LAMA2: variants seen among roughly 807,000 people sequenced by gnomAD.
LAMA2 encodes laminin subunit alpha-2.
Under a neutral mutation model 364.8 loss-of-function variants are expected in LAMA2, and 269 were observed. The ratio of observed to expected loss-of-function variants is 0.74; its 90% CI spans 0.67 to 0.82. LAMA2 has a LOEUF of 0.82. Among genes scored for constraint, LAMA2 ranks in the 40% least tolerant of loss-of-function variants. LAMA2 has a pLI of 0.00. For missense variants in LAMA2, 3,807 were observed against 3,873.2 expected (o/e 0.98, Z 0.45); for synonymous variants, 1,379 against 1,370.6 (o/e 1.01, Z -0.14).
chr6:129,332,714 A>G (rs1775725296), intron 29 of LAMA2, among the ~76,000 whole-genome samples: 1 of 152,094 alleles, frequency 6.6e-6, no homozygotes, highest in African/African-American at 2.4e-5. Context: ...TTTCATTTTA[A>G]TGGTAGTAAA....
intron 28 of LAMA2, among the ~76,000 whole-genome samples, chr6:129,322,777 C>A (rs929884073): frequency 1.3e-5 from 2 of 152,124 alleles, no homozygotes; most frequent in Non-Finnish European, 2.9e-5. Context: ...ATGCAACCAA[C>A]CTTCCATTCT....
chr6:129,264,022 G>C (rs1787319149), intron 15 of LAMA2, among the ~76,000 whole-genome samples: 1 of 152,154 alleles, frequency 6.6e-6, no homozygotes, highest in South Asian at 2.1e-4. Flanking sequence ...GGGGTTACAG[G>C]CATGGGCCAA....
At chr6:129,149,698 A>G (rs1176826511) in intron 7 of LAMA2, among the ~76,000 whole-genome samples, 1 of 152,160 alleles carries the variant, frequency 6.6e-6, no homozygotes, top group Admixed American at 6.5e-5. Context: ...GGCCTTCCAT[A>G]TCCATGGTTT....
intron 33 of LAMA2, among the ~76,000 whole-genome samples, chr6:129,368,776 C>A (rs777959370): frequency 6.6e-6 from 1 of 152,100 alleles, no homozygotes; most frequent in African/African-American, 2.4e-5. Flanking sequence ...GTTCTTCTTC[C>A]ATCATTCACT....
chr6:129,161,164 T>C (rs1779419754), intron 8 of LAMA2, among the ~76,000 whole-genome samples: 1 of 151,630 alleles, frequency 6.6e-6, no homozygotes, highest in Admixed American at 6.6e-5. Flanking sequence ...CAGATATCAC[T>C]TTTTGTCCTA....
At position 128,900,261 on chromosome 6, in the gene LAMA2, G is replaced by A. The variant is rs577261598; in HGVS notation, c.112+16904G>A. ...TAAGAATGAAACTAATAAAAAATAA[G>A]GCGGAGCTGGCCCTTCAGCAAAGGA... is the stretch of plus-strand genomic sequence containing the variant. On this transcript the variant is annotated intron_variant, in intron 1 of 64. Coordinates refer to ENST00000421865, the MANE Select transcript of LAMA2 (RefSeq NM_000426.4). 2.0e-3 allele frequency among the ~76,000 whole-genome samples: 308 copies of A among 152,234 alleles called. 2 individuals carry two copies. Among genetic ancestry groups the A allele is most frequent in the Non-Finnish European group, 2.8e-3 (189 of 68,020 alleles).
chr6:129,373,565 G>GT (rs1363376617), intron 34 of LAMA2, among the ~76,000 whole-genome samples: 6 of 151,978 alleles, frequency 3.9e-5, no homozygotes, highest in South Asian at 2.1e-4. Flanking sequence ...TTTACTGAAT[G>GT]TTTTTTTACT....
chr6:129,200,437 T>G (rs1782198869), intron 12 of LAMA2, among the ~76,000 whole-genome samples: 1 of 150,262 alleles, frequency 6.7e-6, no homozygotes. Flanking sequence ...TGTGTACACA[T>G]ATACATATAT....
chr6:129,226,123 T>C (rs1410332258), intron 12 of LAMA2, among the ~76,000 whole-genome samples: 2 of 152,234 alleles, frequency 1.3e-5, no homozygotes, highest in Admixed American at 6.5e-5. Flanking sequence ...TTTGTTGGTT[T>C]AATGTCTGTT....
chr6:129,289,642 T>A (rs935562186), intron 19 of LAMA2, among the ~76,000 whole-genome samples: 27 of 152,070 alleles, frequency 1.8e-4, no homozygotes, highest in African/African-American at 6.3e-4. Flanking sequence ...GATTATTTTA[T>A]TATGGTAATT....
intron 9 of LAMA2, among the ~76,000 whole-genome samples, chr6:129,173,358 T>C (rs984052325): frequency 5.9e-5 from 9 of 152,228 alleles, no homozygotes; most frequent in Non-Finnish European, 7.3e-5. Flanking sequence ...CATACATTTT[T>C]ATTATGTGTT....
At chr6:129,235,855 G>A (rs750480330) in intron 12 of LAMA2, among the ~76,000 whole-genome samples, 5 of 152,102 alleles carry the variant, frequency 3.3e-5, no homozygotes, top group Non-Finnish European at 5.9e-5. Context: ...ACTTATATGT[G>A]TGATGAAATG....
intron 29 of LAMA2, among the ~76,000 whole-genome samples, chr6:129,334,233 T>G (rs1775819138): frequency 6.6e-6 from 1 of 152,230 alleles, no homozygotes; most frequent in African/African-American, 2.4e-5. Flanking sequence ...CTTGGTATAG[T>G]GGCAAGCATG....
intron 1 of LAMA2, among the ~76,000 whole-genome samples, chr6:129,026,690 T>C (rs1267675181): frequency 6.6e-6 from 1 of 152,164 alleles, no homozygotes; most frequent in African/African-American, 2.4e-5. Context: ...GGGTTTGAAA[T>C]GGTTCTGGGG....
chr6:129,055,445 T>C (rs1287168999), intron 2 of LAMA2, among the ~76,000 whole-genome samples: 4 of 152,004 alleles, frequency 2.6e-5, no homozygotes, highest in Admixed American at 2.0e-4. Flanking sequence ...CTACCTGCCT[T>C]GGCCTCCCAA....
chr6:129,024,584 C>A (rs9492202), intron 1 of LAMA2, among the ~76,000 whole-genome samples: 1 of 151,566 alleles, frequency 6.6e-6, no homozygotes, highest in Non-Finnish European at 1.5e-5. Context: ...TTAGTAGAGA[C>A]GGGACTTCAC....
chr6:129,191,055 G>C (rs543978455), intron 11 of LAMA2, among the ~76,000 whole-genome samples: 2 of 152,282 alleles, frequency 1.3e-5, no homozygotes, highest in South Asian at 4.1e-4. Context: ...CTGGACTTAA[G>C]AGTGCAGAAT....
chr6:129,180,120 C>A (rs1001059814), intron 10 of LAMA2, among the ~76,000 whole-genome samples: 2 of 151,962 alleles, frequency 1.3e-5, no homozygotes, highest in African/African-American at 4.8e-5. Flanking sequence ...ACAGTTCATA[C>A]TGTTTCACAA....
intron 1 of LAMA2, among the ~76,000 whole-genome samples, chr6:128,975,102 T>C (rs2114625633): frequency 6.6e-6 from 1 of 152,316 alleles, no homozygotes; most frequent in African/African-American, 2.4e-5. Context: ...TCCGCCTGCC[T>C]CTGCCTCCCA....
Sources: allele counts gnomAD v4.1 joint callset (sites outside exome capture counted in the v4.1 genomes callset), GRCh38; gene constraint gnomAD v4.1.1; transcripts MANE v1.5; gene names NCBI Gene and HGNC (gene_info 2026-07-23, HGNC 2026-07-21).